AFG2A: variants seen among roughly 807,000 people sequenced by gnomAD.
The protein encoded by AFG2A is ATPase family gene 2 protein homolog A.
At chr4:123,158,471 A>G in the AFG2A span, among the ~76,000 whole-genome samples, 4 of 152,204 alleles carry the variant, frequency 2.6e-5, no homozygotes, top group Non-Finnish European at 5.9e-5. Context: ...TAAGCTATGT[A>G]TTAATTTAAA....
At chr4:123,270,644 T>C in the AFG2A span, among the ~76,000 whole-genome samples, 1 of 152,014 alleles carries the variant, frequency 6.6e-6, no homozygotes, top group Non-Finnish European at 1.5e-5. Context: ...GGAAAAAAAA[T>C]AAAGATTTTA....
the AFG2A span, among the ~76,000 whole-genome samples, chr4:123,243,364 T>A: frequency 6.6e-6 from 1 of 152,144 alleles, no homozygotes; most frequent in Non-Finnish European, 1.5e-5. Context: ...CCATCAGTGA[T>A]AGACTAGATT....
At chr4:123,142,204 G>C in the AFG2A span, among the ~76,000 whole-genome samples, 5 of 152,078 alleles carry the variant, frequency 3.3e-5, no homozygotes, top group African/African-American at 1.2e-4. Flanking sequence ...ACATGACCTA[G>C]AACAATACCT....
At chr4:123,182,989 T>C in the AFG2A span, among the ~76,000 whole-genome samples, 1 of 152,214 alleles carries the variant, frequency 6.6e-6, no homozygotes, top group African/African-American at 2.4e-5. Flanking sequence ...TTTCCAAATC[T>C]AGCTGTACAT....
chr4:123,286,912 AC>A, the AFG2A span, among the ~76,000 whole-genome samples: 1 of 151,956 alleles, frequency 6.6e-6, no homozygotes, highest in Admixed American at 6.6e-5. Flanking sequence ...AAGTACCAGC[AC>A]CCCAAAGTCA....
At chr4:123,034,171 A>T in the AFG2A span, among the ~76,000 whole-genome samples, 2 of 152,126 alleles carry the variant, frequency 1.3e-5, no homozygotes, top group Non-Finnish European at 2.9e-5. Flanking sequence ...GGTATATGGA[A>T]ACTCCCAAAT....
At chr4:122,985,565 T>C in the AFG2A span, among the ~76,000 whole-genome samples, 5 of 152,188 alleles carry the variant, frequency 3.3e-5, no homozygotes, top group Non-Finnish European at 7.3e-5. Context: ...CTAATTTATG[T>C]GCATACAGGT....
At chr4:123,256,347 G>A in the AFG2A span, among the ~76,000 whole-genome samples, 3 of 152,144 alleles carry the variant, frequency 2.0e-5, no homozygotes, top group Admixed American at 6.5e-5. Context: ...TGCACTTTAC[G>A]TGGCTTCTAT....
At chr4:122,923,103 G>A in the AFG2A span, 11 of 1,611,434 alleles carry the variant, frequency 6.8e-6, no homozygotes, top group Non-Finnish European at 8.5e-6. Context: ...CGCACATTGA[G>A]TCGGCTTTTC....
chr4:123,039,057 T>C, the AFG2A span, among the ~76,000 whole-genome samples: 20 of 152,242 alleles, frequency 1.3e-4, no homozygotes, highest in African/African-American at 4.8e-4. Flanking sequence ...AAAAAAATCA[T>C]GAAATGACCA....
At chr4:123,222,191 A>T in the AFG2A span, among the ~76,000 whole-genome samples, 91 of 152,308 alleles carry the variant, frequency 6.0e-4, no homozygotes, top group African/African-American at 1.9e-3. Context: ...GAGGAACATG[A>T]TTTACCTTCA....
chr4:122,927,761 A>G, the AFG2A span: 2 of 1,611,774 alleles, frequency 1.2e-6, no homozygotes, highest in Non-Finnish European at 1.7e-6. Context: ...AGCAAGAGGT[A>G]AGAGTCTTTT....
the AFG2A span, among the ~76,000 whole-genome samples, chr4:123,150,530 A>G: frequency 6.6e-6 from 1 of 152,208 alleles, no homozygotes; most frequent in Non-Finnish European, 1.5e-5. Flanking sequence ...AATTGCTAAA[A>G]AGAGAATACC....
the AFG2A span, among the ~76,000 whole-genome samples, chr4:122,931,102 CTAT>C: frequency 6.8e-6 from 1 of 146,880 alleles, no homozygotes; most frequent in South Asian, 2.4e-4. Context: ...TTATGTGCAA[CTAT>C]TATTTTTTTA....
chr4:123,094,617 C>G, the AFG2A span, among the ~76,000 whole-genome samples: 1 of 151,704 alleles, frequency 6.6e-6, no homozygotes, highest in South Asian at 2.1e-4. Context: ...GCAGTCAGAA[C>G]CAGAGGAGAA....
At chr4:122,999,083 T>C in the AFG2A span, among the ~76,000 whole-genome samples, 45 of 148,972 alleles carry the variant, frequency 3.0e-4, no homozygotes, top group Middle Eastern at 3.4e-3. Context: ...CATTTTTTCA[T>C]GTGTCTTTTG....
the AFG2A span, among the ~76,000 whole-genome samples, chr4:123,110,415 G>A: frequency 6.6e-6 from 1 of 152,022 alleles, no homozygotes; most frequent in African/African-American, 2.4e-5. Flanking sequence ...AAATGTTCTC[G>A]TAAGCAGCAA....
At chr4:123,103,807 C>G in the AFG2A span, among the ~76,000 whole-genome samples, 1 of 152,000 alleles carries the variant, frequency 6.6e-6, no homozygotes, top group African/African-American at 2.4e-5. Context: ...AAATACTACT[C>G]AGTCATGAAA....
At chr4:123,026,647 T>C in the AFG2A span, among the ~76,000 whole-genome samples, 2 of 152,220 alleles carry the variant, frequency 1.3e-5, no homozygotes, top group African/African-American at 4.8e-5. Flanking sequence ...GCAATATGAG[T>C]AATATACTTT....
Sources: gnomAD v4.1 joint callset for allele counts (sites outside exome capture counted in the v4.1 genomes callset) on GRCh38, gnomAD v4.1.1 for gene constraint, MANE v1.5 for transcripts, NCBI Gene and HGNC (gene_info 2026-07-23, HGNC 2026-07-21) for gene names.